MTA3: variants seen among roughly 807,000 people sequenced by gnomAD.
MTA3 encodes metastasis-associated protein MTA3.
In MTA3, 34 loss-of-function variants were observed where a neutral mutation model predicts 83.5. The observed-to-expected ratio is 0.41, with a 90% CI of 0.31 to 0.54. The LOEUF (loss-of-function observed/expected upper bound fraction) is 0.54, where lower values mean the gene tolerates loss of function less well. Ranked by LOEUF, MTA3 falls within the 20% of genes least tolerant of loss-of-function variation. The pLI is 0.33. For missense variants in MTA3, 761 were observed against 726.4 expected, an observed-to-expected ratio of 1.05 and a Z score of -0.55; for synonymous variants, 303 against 252.7, an observed-to-expected ratio of 1.20 and a Z score of -1.89.
chr2:42,714,133 T>A (rs998789289), intron 14 of MTA3, among the ~76,000 whole-genome samples: 8 of 152,248 alleles, frequency 5.3e-5, no homozygotes, highest in African/African-American at 1.9e-4. Flanking sequence ...TTAGCTTGCA[T>A]TTCTCATTTT....
At chr2:42,612,939 A>T (rs1458317903) in intron 4 of MTA3, among the ~76,000 whole-genome samples, 3 of 152,218 alleles carry the variant, frequency 2.0e-5, no homozygotes, top group African/African-American at 7.2e-5. Context: ...CAAGAATCTG[A>T]CAAATGGTTT....
intron 8 of MTA3, among the ~76,000 whole-genome samples, chr2:42,677,984 A>G (rs1034214043): frequency 1.3e-5 from 2 of 152,218 alleles, no homozygotes; most frequent in African/African-American, 4.8e-5. Flanking sequence ...AATGGGGTAC[A>G]TACTACATTG....
exon 1 of MTA3, chr2:42,494,704 G>A (rs939575688): frequency 1.3e-5 from 2 of 152,358 alleles, no homozygotes; most frequent in African/African-American, 4.8e-5. Context: ...GCTGCCCTTA[G>A]AGTGGGATGA....
chr2:42,688,711 G>C (rs1692617270), intron 9 of MTA3, among the ~76,000 whole-genome samples: 1 of 150,182 alleles, frequency 6.7e-6, no homozygotes, highest in Non-Finnish European at 1.5e-5. Flanking sequence ...AGTAGTTATA[G>C]TCGGTTTTTT....
At chr2:42,589,396 T>C (rs924556607) in intron 3 of MTA3, among the ~76,000 whole-genome samples, 12 of 152,342 alleles carry the variant, frequency 7.9e-5, no homozygotes, top group African/African-American at 2.4e-4. Context: ...TGTTCAGTTG[T>C]GGAAAATTAT....
At chr2:42,595,387 G>GA (rs1681676027) in intron 3 of MTA3, among the ~76,000 whole-genome samples, 1 of 152,100 alleles carries the variant, frequency 6.6e-6, no homozygotes, top group South Asian at 2.1e-4. Context: ...TGGGATTACA[G>GA]ACGTGAGCCA....
At chr2:42,677,322 A>T (rs1691457958) in intron 8 of MTA3, among the ~76,000 whole-genome samples, 1 of 151,964 alleles carries the variant, frequency 6.6e-6, no homozygotes, top group African/African-American at 2.4e-5. Flanking sequence ...AATAAGTCTC[A>T]TGAGATCTGA....
At chr2:42,651,801 A>G (rs905871093) in intron 6 of MTA3, among the ~76,000 whole-genome samples, 10 of 148,298 alleles carry the variant, frequency 6.7e-5, no homozygotes, top group African/African-American at 7.4e-5. Flanking sequence ...CCTTGTCTCA[A>G]AAAAAAAAAA....
chr2:42,716,200 T>A (rs892462899), intron 14 of MTA3, among the ~76,000 whole-genome samples: 8 of 152,234 alleles, frequency 5.3e-5, no homozygotes, highest in Non-Finnish European at 1.2e-4. Context: ...AGAAAAGAAA[T>A]TGGATCATTT....
At chr2:42,572,450 A>G (rs534471270) in intron 2 of MTA3, among the ~76,000 whole-genome samples, 7 of 151,842 alleles carry the variant, frequency 4.6e-5, no homozygotes, top group Non-Finnish European at 1.0e-4. Context: ...ATGATGGCAC[A>G]TGCCTGTAGT....
rs193189093 is a variant in MTA3, at chr2:42,617,042, A to G, written c.317+7458A>G. 4.6e-3 allele frequency among the ~76,000 whole-genome samples: 696 copies of G among 152,312 alleles called. 16 individuals carry two copies. The highest frequency in any genetic ancestry group is 0.041 in the Admixed American group (629 of 15,292). On this transcript the variant is annotated intron_variant, in intron 4 of 16. Transcript: ENST00000405094. ...ACAGAGAATAGGAAAGCTTTTTTGT[A>G]TACTCATTATTTGTTGTGAAACAAA...
intron 16 of MTA3, among the ~76,000 whole-genome samples, chr2:42,746,607 A>G (rs1669453098): frequency 6.6e-6 from 1 of 152,194 alleles, no homozygotes; most frequent in African/African-American, 2.4e-5. Context: ...TTTTCCTGTG[A>G]TTCTGACCTG....
At chr2:42,696,159 G>A (rs76914050) in intron 10 of MTA3, among the ~76,000 whole-genome samples, 1 of 152,050 alleles carries the variant, frequency 6.6e-6, no homozygotes, top group Non-Finnish European at 1.5e-5. Context: ...CAAACCTCTT[G>A]AACAAGTTAT....
chr2:42,645,794 G>A (rs150309713), intron 6 of MTA3, among the ~76,000 whole-genome samples: 1 of 152,314 alleles, frequency 6.6e-6, no homozygotes, highest in East Asian at 1.9e-4. Context: ...ACATAAAAAT[G>A]CAAGTAAAGC....
chr2:42,506,697 A>C (rs1335040355), intron 2 of MTA3, among the ~76,000 whole-genome samples: 3 of 151,864 alleles, frequency 2.0e-5, no homozygotes, highest in Non-Finnish European at 4.4e-5. Flanking sequence ...GCTGGAGTAC[A>C]GTGGCATGAT....
chr2:42,708,584 A>T (rs774736891), intron 13 of MTA3, among the ~76,000 whole-genome samples: 5 of 151,872 alleles, frequency 3.3e-5, no homozygotes, highest in South Asian at 2.1e-4. Flanking sequence ...TCCTTAATTT[A>T]AAAAAAAGTG....
intron 4 of MTA3, among the ~76,000 whole-genome samples, chr2:42,619,043 C>G (rs2104172557): frequency 6.6e-6 from 1 of 152,162 alleles, no homozygotes; most frequent in East Asian, 1.9e-4. Context: ...TTCAGTGCAC[C>G]TGTTGTCATT....
At chr2:42,644,426 A>G (rs994677886) in intron 6 of MTA3, among the ~76,000 whole-genome samples, 182 bp downstream of exon 6, 8 of 152,192 alleles carry the variant, frequency 5.3e-5, no homozygotes, top group Admixed American at 2.0e-4. Context: ...AGGCCTCGCT[A>G]TGTTGCCAAG....
At chr2:42,686,496 G>C (rs1692378073) in intron 9 of MTA3, among the ~76,000 whole-genome samples, 1 of 148,130 alleles carries the variant, frequency 6.8e-6, no homozygotes, top group Non-Finnish European at 1.5e-5. Context: ...AGACCAGCCT[G>C]GGCAACATAG....
Sources: allele counts gnomAD v4.1 joint callset (sites outside exome capture counted in the v4.1 genomes callset), GRCh38; gene constraint gnomAD v4.1.1; transcripts MANE v1.5; gene names NCBI Gene and HGNC (gene_info 2026-07-23, HGNC 2026-07-21).